Variants in STXBP5L observed in about 807,000 individuals in gnomAD.
STXBP5L encodes the protein syntaxin-binding protein 5-like.
A neutral mutation model predicts 144.5 loss-of-function variants in STXBP5L; 65 were observed. The observed-to-expected ratio is 0.45, with a 90% CI of 0.37 to 0.55. The LOEUF (loss-of-function observed/expected upper bound fraction) is 0.55, where lower values mean the gene tolerates loss of function less well. Among genes scored for constraint, STXBP5L ranks in the 20% least tolerant of loss-of-function variants. The probability of loss-of-function intolerance (pLI) is 0.00; values close to 1 mark genes in which losing one functional copy is unlikely to be tolerated. For synonymous variants in STXBP5L, 505 were observed against 469.6 expected (o/e 1.08, Z -0.97); for missense variants, 1,298 against 1,405.5 (o/e 0.92, Z 1.22).
At chr3:121,011,252 A>T (rs1944752691) in intron 3 of STXBP5L, among the ~76,000 whole-genome samples, 1 of 151,172 alleles carries the variant, frequency 6.6e-6, no homozygotes, top group African/African-American at 2.4e-5. Flanking sequence ...GTGTCTCTGA[A>T]TCAGTAAAAT....
chr3:120,975,561 C>T (rs1050228424), intron 3 of STXBP5L, among the ~76,000 whole-genome samples: 1 of 152,082 alleles, frequency 6.6e-6, no homozygotes, highest in Admixed American at 6.6e-5. Context: ...ATTGCCCTGG[C>T]CAGAACTTCC....
chr3:121,367,316 G>A (rs569150607), intron 20 of STXBP5L, among the ~76,000 whole-genome samples: 67 of 152,138 alleles, frequency 4.4e-4, no homozygotes, highest in Middle Eastern at 3.4e-3. Flanking sequence ...CTTACAGGGC[G>A]GATCTGGTGG....
chr3:121,128,092 A>G (rs982467473), intron 7 of STXBP5L, among the ~76,000 whole-genome samples: 3 of 152,146 alleles, frequency 2.0e-5, no homozygotes, highest in Non-Finnish European at 4.4e-5. Context: ...GGAATTGAGG[A>G]TATGACTAAT....
At chr3:121,050,989 G>A (rs1388211832) in intron 5 of STXBP5L, among the ~76,000 whole-genome samples, 2 of 152,222 alleles carry the variant, frequency 1.3e-5, no homozygotes, top group South Asian at 2.1e-4. Flanking sequence ...AGAAAAAGAA[G>A]GCCATTACAT....
At chr3:120,975,344 T>A (rs1342235834) in intron 3 of STXBP5L, among the ~76,000 whole-genome samples, 2 of 152,204 alleles carry the variant, frequency 1.3e-5, no homozygotes, top group Non-Finnish European at 2.9e-5. Flanking sequence ...GCTCTTTGTT[T>A]GTCTGTTATT....
chr3:121,263,770 A>G (rs576945006), intron 18 of STXBP5L, among the ~76,000 whole-genome samples: 2 of 152,280 alleles, frequency 1.3e-5, no homozygotes, highest in African/African-American at 4.8e-5. Flanking sequence ...AGCAAAAAGA[A>G]TGAAAAGGAA....
chr3:121,090,376 C>T lies in STXBP5L; in HGVS notation c.471-24549C>T, dbSNP rs551486303. 3.3e-5 allele frequency among the ~76,000 whole-genome samples: 5 copies of T among 152,216 alleles called. No individual in the cohort carries two copies. The East Asian group carries it at 9.6e-4, about 29-fold the overall frequency. ...TCTCCACTATGCCTCCTCTTTTACC[C>T]CTCTTACAAGGAAGAATAAGAGTAC... On this transcript the variant is annotated intron_variant, in intron 5 of 26. Transcript: ENST00000471454.
In STXBP5L at chr3:121,013,811, C is replaced by G. The variant is rs139176147; in HGVS notation, c.288-27889C>G. 4.8e-3 allele frequency among the ~76,000 whole-genome samples: 733 copies of G among 151,780 alleles called. 10 individuals are homozygous for G. Among genetic ancestry groups the G allele is most frequent in the African/African-American group, 0.016 (675 of 41,436 alleles). ...AGTCTTTAATCCATTTTAAGTTAAC[C>G]TTTTTTATGGTGAGAAGTAGGGGAT... On this transcript the variant is annotated intron_variant, in intron 3 of 26. Coordinates refer to ENST00000471454, the MANE Select transcript of STXBP5L (RefSeq NM_001308330.2).
chr3:120,942,941 C>A (rs1337522429), intron 2 of STXBP5L, among the ~76,000 whole-genome samples: 2 of 151,618 alleles, frequency 1.3e-5, no homozygotes, highest in East Asian at 3.9e-4. Flanking sequence ...TAAATTTCAT[C>A]AAATGCCTTT....
chr3:121,094,574 A>G (rs530816820), intron 5 of STXBP5L, among the ~76,000 whole-genome samples: 29 of 152,008 alleles, frequency 1.9e-4, no homozygotes, highest in Admixed American at 1.4e-3. Flanking sequence ...AGTCTGTTTT[A>G]TCAGAGACTA....
chr3:121,393,750 A>G (rs2046655529), intron 22 of STXBP5L, among the ~76,000 whole-genome samples: 1 of 151,954 alleles, frequency 6.6e-6, no homozygotes, highest in Non-Finnish European at 1.5e-5. Flanking sequence ...GTAGGTATAT[A>G]GTTTTATTTC....
chr3:121,277,781 A>C (rs1246517740), intron 18 of STXBP5L, among the ~76,000 whole-genome samples: 2 of 151,812 alleles, frequency 1.3e-5, no homozygotes, highest in African/African-American at 2.4e-5. Flanking sequence ...GTTACTTGGA[A>C]TCTGTAGCTA....
chr3:120,909,059 T>G (rs1708689694), intron 1 of STXBP5L: 1 of 152,366 alleles, frequency 6.6e-6, no homozygotes, highest in African/African-American at 2.4e-5. Context: ...TTGAAGCTGA[T>G]GGGGGAAGAG....
chr3:121,018,449 A>G (rs1339980302), intron 3 of STXBP5L, among the ~76,000 whole-genome samples: 1 of 152,042 alleles, frequency 6.6e-6, no homozygotes, highest in Non-Finnish European at 1.5e-5. Context: ...TTGACAAAGA[A>G]ACAATGGCAA....
intron 3 of STXBP5L, among the ~76,000 whole-genome samples, chr3:121,001,108 G>T (rs886337537): frequency 2.0e-5 from 3 of 152,234 alleles, no homozygotes; most frequent in Non-Finnish European, 2.9e-5. Context: ...ATGCCCACAT[G>T]CATGTGCTGG....
At chr3:121,372,373 T>C (rs1316312191) in intron 20 of STXBP5L, among the ~76,000 whole-genome samples, 1 of 152,162 alleles carries the variant, frequency 6.6e-6, no homozygotes. Context: ...CGGGCATCAC[T>C]GGTCTGCTCC....
intron 9 of STXBP5L, among the ~76,000 whole-genome samples, chr3:121,188,576 T>C (rs923937818): frequency 6.6e-6 from 1 of 151,658 alleles, no homozygotes; most frequent in African/African-American, 2.4e-5. Context: ...ACTGGCAAAC[T>C]GAATCCAGCA....
chr3:120,976,060 A>C (rs921781088), intron 3 of STXBP5L, among the ~76,000 whole-genome samples: 8 of 152,200 alleles, frequency 5.3e-5, no homozygotes, highest in Non-Finnish European at 1.2e-4. Context: ...CTGGCCTCAT[A>C]AAATGAGTTA....
At chr3:121,361,795 G>A (rs1401761978) in intron 20 of STXBP5L, among the ~76,000 whole-genome samples, 4 of 151,714 alleles carry the variant, frequency 2.6e-5, no homozygotes, top group Non-Finnish European at 4.4e-5. Context: ...TTGGTCTCTG[G>A]TGCCTTATTT....
Sources: gnomAD v4.1 joint callset for allele counts (sites outside exome capture counted in the v4.1 genomes callset) on GRCh38, gnomAD v4.1.1 for gene constraint, MANE v1.5 for transcripts, NCBI Gene and HGNC (gene_info 2026-07-23, HGNC 2026-07-21) for gene names.